Variants in INPP4B observed in about 807,000 individuals in gnomAD.
The protein encoded by INPP4B is inositol polyphosphate-4-phosphatase type II B.
INPP4B carries 55 observed loss-of-function variants against 122.5 expected under a neutral mutation model. That is an observed-to-expected ratio of 0.45 (90% CI 0.36 to 0.56). The LOEUF (loss-of-function observed/expected upper bound fraction) is 0.56, where lower values mean the gene tolerates loss of function less well. INPP4B is among the 20% of genes least tolerant of loss of function. INPP4B has a pLI of 0.00. For synonymous variants in INPP4B, 403 were observed against 388.7 expected, an observed-to-expected ratio of 1.04 and a Z score of -0.43; for missense variants, 1,000 against 1,097.7, an observed-to-expected ratio of 0.91 and a Z score of 1.26.
chr4:142,595,265 A>G (rs1276720188), intron 2 of INPP4B, among the ~76,000 whole-genome samples: 1 of 151,918 alleles, frequency 6.6e-6, no homozygotes, highest in East Asian at 1.9e-4. Context: ...TTGCCCTTGG[A>G]TGAAGTGACT....
At chr4:142,737,581 G>A (rs1160091123) in intron 1 of INPP4B, among the ~76,000 whole-genome samples, 1 of 152,116 alleles carries the variant, frequency 6.6e-6, no homozygotes, top group African/African-American at 2.4e-5. Context: ...AACACCAAAA[G>A]CAATGGCAAC....
intron 25 of INPP4B, among the ~76,000 whole-genome samples, chr4:142,074,654 C>T (rs761395525): frequency 1.3e-5 from 2 of 151,850 alleles, no homozygotes; most frequent in Non-Finnish European, 2.9e-5. Flanking sequence ...TTAACTAGGG[C>T]AATAGATAAA....
intron 12 of INPP4B, among the ~76,000 whole-genome samples, 179 bp from the exon 13 acceptor site, chr4:142,209,205 T>C: frequency 6.6e-6 from 1 of 152,186 alleles, no homozygotes. Context: ...AAAATATGAA[T>C]AGCTTAACCA....
intron 25 of INPP4B, among the ~76,000 whole-genome samples, chr4:142,061,939 T>TA (rs1560980814): frequency 3.2e-4 from 34 of 104,888 alleles, no homozygotes; most frequent in African/African-American, 1.3e-3. Context: ...TATATATATA[T>TA]ATCTGTAACT....
chr4:142,560,062 A>G (rs1730111960), intron 2 of INPP4B, among the ~76,000 whole-genome samples: 1 of 152,220 alleles, frequency 6.6e-6, no homozygotes, highest in South Asian at 2.1e-4. Flanking sequence ...AAGCAGCAGG[A>G]AATAAACATA....
At chr4:142,128,275 T>C (rs1186395224) in intron 18 of INPP4B, among the ~76,000 whole-genome samples, 1 of 151,750 alleles carries the variant, frequency 6.6e-6, no homozygotes, top group East Asian at 1.9e-4. Context: ...CACACAATCT[T>C]AGTTGAAACT....
intron 2 of INPP4B, among the ~76,000 whole-genome samples, chr4:142,660,094 A>C (rs1298463536): frequency 6.6e-6 from 1 of 152,206 alleles, no homozygotes; most frequent in African/African-American, 2.4e-5. Flanking sequence ...TCCATAGCAT[A>C]AATGAGGTCT....
At chr4:142,690,030 A>G (rs1486755888) in intron 2 of INPP4B, among the ~76,000 whole-genome samples, 1 of 152,170 alleles carries the variant, frequency 6.6e-6, no homozygotes, top group Non-Finnish European at 1.5e-5. Context: ...TGTCCTGTAT[A>G]TTGCTTTTGA....
At chr4:142,683,396 A>AACAGG (rs1374085288) in intron 2 of INPP4B, among the ~76,000 whole-genome samples, 2 of 151,846 alleles carry the variant, frequency 1.3e-5, no homozygotes, top group African/African-American at 4.8e-5. Context: ...TGGTCATTTA[A>AACAGG]ACAGGACACC....
At chr4:142,845,934 G>T (rs994906082) in intron 1 of INPP4B, among the ~76,000 whole-genome samples, 1 of 151,994 alleles carries the variant, frequency 6.6e-6, no homozygotes, top group African/African-American at 2.4e-5. Flanking sequence ...GCGCGCGCCG[G>T]GCAGAGGGGC....
intron 23 of INPP4B, among the ~76,000 whole-genome samples, chr4:142,103,339 G>T (rs143483632): frequency 0.011 from 1,651 of 151,814 alleles, 26 homozygotes; most frequent in African/African-American, 0.037. Flanking sequence ...TTTCTATGTG[G>T]ACTACATAGA....
chr4:142,258,791 T>C (rs532585906), intron 11 of INPP4B, among the ~76,000 whole-genome samples: 25 of 152,324 alleles, frequency 1.6e-4, no homozygotes, highest in African/African-American at 5.5e-4. Context: ...TGGAAGTCAG[T>C]GTGGCAATTC....
chr4:142,077,958 CA>C (rs34738128), intron 25 of INPP4B, among the ~76,000 whole-genome samples: 2 of 148,708 alleles, frequency 1.3e-5, no homozygotes, highest in African/African-American at 4.9e-5. Context: ...CCTTTAACAA[CA>C]AAAAAAAAAG....
intron 1 of INPP4B, among the ~76,000 whole-genome samples, chr4:142,779,786 A>G (rs1774520935): frequency 6.6e-6 from 1 of 152,164 alleles, no homozygotes; most frequent in Non-Finnish European, 1.5e-5. Flanking sequence ...GAAAGTGGGA[A>G]AGGAAGAAAG....
At chr4:142,384,996 T>C (rs563375327) in intron 7 of INPP4B, among the ~76,000 whole-genome samples, 1 of 152,324 alleles carries the variant, frequency 6.6e-6, no homozygotes, top group South Asian at 2.1e-4. Flanking sequence ...TCATTTTCTT[T>C]ATCCAGTCTA....
chr4:142,434,983 G>A (rs1810117462), intron 3 of INPP4B, among the ~76,000 whole-genome samples: 1 of 152,184 alleles, frequency 6.6e-6, no homozygotes, highest in African/African-American at 2.4e-5. Context: ...GGGGCCGCAG[G>A]TTGGACAAGC....
chr4:142,644,922 A>T (rs1387238255), intron 2 of INPP4B, among the ~76,000 whole-genome samples: 1 of 150,458 alleles, frequency 6.6e-6, no homozygotes, highest in Non-Finnish European at 1.5e-5. Context: ...AAAAAAAAAA[A>T]AAAAGCAAAG....
intron 1 of INPP4B, among the ~76,000 whole-genome samples, chr4:142,760,791 C>T (rs1183894562): frequency 6.6e-6 from 1 of 152,096 alleles, no homozygotes; most frequent in African/African-American, 2.4e-5. Flanking sequence ...ATGGTGCTAC[C>T]ACATCCAGGA....
chr4:142,188,765 A>C (rs926879585), intron 15 of INPP4B, among the ~76,000 whole-genome samples: 1 of 151,972 alleles, frequency 6.6e-6, no homozygotes, highest in African/African-American at 2.4e-5. Flanking sequence ...AAAAGAAATA[A>C]AAATTTTTAT....
Sources: allele counts gnomAD v4.1 joint callset (sites outside exome capture counted in the v4.1 genomes callset), GRCh38; gene constraint gnomAD v4.1.1; transcripts MANE v1.5; gene names NCBI Gene and HGNC (gene_info 2026-07-23, HGNC 2026-07-21).